Variants in ZBTB20 observed in about 807,000 individuals in gnomAD.
The protein encoded by ZBTB20 is zinc finger and BTB domain containing 20, also known as zinc finger and BTB domain-containing protein 20.
In ZBTB20, 9 loss-of-function variants were observed where a neutral mutation model predicts 56.9. The ratio of observed to expected loss-of-function variants is 0.16; its 90% CI spans 0.10 to 0.28. The LOEUF (loss-of-function observed/expected upper bound fraction) is 0.28, where lower values mean the gene tolerates loss of function less well. Among genes scored for constraint, ZBTB20 ranks in the 10% least tolerant of loss-of-function variants. The pLI, the probability that ZBTB20 is intolerant of heterozygous loss-of-function variation, is 1.00. For synonymous variants in ZBTB20, 417 were observed against 420.7 expected, an observed-to-expected ratio of 0.99 and a Z score of 0.11; for missense variants, 655 against 1,003.0, an observed-to-expected ratio of 0.65 and a Z score of 4.69.
At chr3:115,074,968 C>A (rs1338961570) in intron 1 of ZBTB20, among the ~76,000 whole-genome samples, 1 of 152,088 alleles carries the variant, frequency 6.6e-6, no homozygotes, top group African/African-American at 2.4e-5. Flanking sequence ...CCCAACTGTT[C>A]CCAGTCACAG....
chr3:114,623,100 AAAG>A (rs1176690377), intron 6 of ZBTB20, among the ~76,000 whole-genome samples: 3 of 152,154 alleles, frequency 2.0e-5, no homozygotes, highest in Non-Finnish European at 2.9e-5. Flanking sequence ...CTTGAAATAG[AAAG>A]AAGATGAGAA....
At chr3:114,793,840 C>G (rs1311825555) in intron 5 of ZBTB20, among the ~76,000 whole-genome samples, 1 of 151,902 alleles carries the variant, frequency 6.6e-6, no homozygotes, top group Non-Finnish European at 1.5e-5. Flanking sequence ...ATACTGTGAA[C>G]TAAAGATTAT....
At chr3:115,009,599 TCA>T (rs1417980302) in intron 2 of ZBTB20, among the ~76,000 whole-genome samples, 2 of 151,970 alleles carry the variant, frequency 1.3e-5, no homozygotes, top group Admixed American at 1.3e-4. Context: ...AATGTATCCC[TCA>T]AAGTTCATGT....
chr3:115,091,692 AACAC>A (rs994132095), intron 1 of ZBTB20, among the ~76,000 whole-genome samples: 1 of 149,838 alleles, frequency 6.7e-6, no homozygotes, highest in Admixed American at 6.7e-5. Context: ...ATATATATAT[AACAC>A]ACACATATAT....
intron 6 of ZBTB20, among the ~76,000 whole-genome samples, chr3:114,590,524 A>AAAAT (rs146320436): frequency 0.93 from 138,357 of 148,694 alleles, 65,116 homozygotes; most frequent in East Asian, 1. Flanking sequence ...AAATAAATAA[A>AAAAT]AAATAAACAA....
chr3:115,056,925 G>A (rs1344288888), intron 2 of ZBTB20, among the ~76,000 whole-genome samples: 1 of 152,056 alleles, frequency 6.6e-6, no homozygotes, highest in Non-Finnish European at 1.5e-5. Context: ...ACAATAACAG[G>A]TTTGTGTCTA....
At chr3:114,907,720 T>C (rs912177870) in intron 3 of ZBTB20, among the ~76,000 whole-genome samples, 5 of 151,958 alleles carry the variant, frequency 3.3e-5, no homozygotes, top group Admixed American at 6.6e-5. Context: ...TATACAACCA[T>C]TGGATATTTC....
chr3:114,360,368 G>A (rs1405747252), intron 10 of ZBTB20, among the ~76,000 whole-genome samples: 1 of 145,414 alleles, frequency 6.9e-6, no homozygotes, highest in African/African-American at 2.5e-5. Context: ...TTTTGAGACG[G>A]AGTCTTGTTC....
intron 7 of ZBTB20, among the ~76,000 whole-genome samples, chr3:114,399,634 G>A (rs963458422): frequency 1.3e-5 from 2 of 152,158 alleles, no homozygotes; most frequent in African/African-American, 4.8e-5. Flanking sequence ...ATTTACACAT[G>A]TGAGAGTGAA....
At chr3:114,767,968 A>G (rs1445926812) in intron 5 of ZBTB20, among the ~76,000 whole-genome samples, 1 of 152,104 alleles carries the variant, frequency 6.6e-6, no homozygotes, top group African/African-American at 2.4e-5. Context: ...TATAAAGTAT[A>G]CATTTAGATA....
At chr3:114,853,334 C>CTAAA (rs1284981946) in intron 4 of ZBTB20, among the ~76,000 whole-genome samples, 1 of 152,198 alleles carries the variant, frequency 6.6e-6, no homozygotes, top group Non-Finnish European at 1.5e-5. Context: ...GACATTGTCC[C>CTAAA]TGTTCTAAAT....
chr3:114,597,563 T>A (rs1350061940), intron 6 of ZBTB20, among the ~76,000 whole-genome samples: 2 of 152,146 alleles, frequency 1.3e-5, no homozygotes, highest in African/African-American at 4.8e-5. Flanking sequence ...AGTTGTACAA[T>A]CTCCACGTTT....
intron 4 of ZBTB20, among the ~76,000 whole-genome samples, chr3:114,864,808 T>C (rs1296183016): frequency 6.6e-6 from 1 of 152,088 alleles, no homozygotes; most frequent in African/African-American, 2.4e-5. Flanking sequence ...TATATGCAAT[T>C]GGCTTACAAT....
chr3:114,454,175 G>GGGGAGA (rs1192815934), intron 7 of ZBTB20, among the ~76,000 whole-genome samples: 9 of 116,692 alleles, frequency 7.7e-5, no homozygotes, highest in Middle Eastern at 4.7e-3. Context: ...AAAAGAGAAG[G>GGGGAGA]GAGAGAGAGA....
chr3:114,336,714 C>T lies in ZBTB20; in HGVS notation c.*2291G>A, dbSNP rs2079468782. 6.6e-6 allele frequency: 1 copy of T among 152,060 alleles called. No individual in the cohort carries two copies. Among genetic ancestry groups the T allele is most frequent in the Non-Finnish European group, 1.5e-5 (1 of 68,018 alleles). The allele number at this position is 152,060 out of a possible 1,614,324, so 9.4% of individuals were successfully genotyped here. On this transcript the variant is annotated 3_prime_UTR_variant, in exon 12 of 12. Transcript: ENST00000675478. ...TTGTTTGTGTTGGAAGATTTTCCCT[C>T]GTTTGCTGCACAGTTTTTGTAAATA...
intron 6 of ZBTB20, among the ~76,000 whole-genome samples, chr3:114,642,473 G>A (rs190452313): frequency 7.6e-4 from 115 of 151,998 alleles, no homozygotes; most frequent in Non-Finnish European, 1.2e-3. Context: ...TGTTGGAGTG[G>A]GGCTGTAGGT....
intron 4 of ZBTB20, among the ~76,000 whole-genome samples, chr3:114,867,299 A>C (rs2075805872): frequency 6.6e-6 from 1 of 152,090 alleles, no homozygotes; most frequent in South Asian, 2.1e-4. Context: ...ATCTTCCACT[A>C]CCCTAACTGG....
chr3:114,350,133 T>C, intron 11 of ZBTB20, 141 bp downstream of exon 11: 1 of 1,240,960 alleles, frequency 8.1e-7, no homozygotes, highest in Non-Finnish European at 1.1e-6. Flanking sequence ...ACAGTTGGGG[T>C]TTCTAGAAGA....
At chr3:114,723,413 C>A (rs948719154) in intron 5 of ZBTB20, among the ~76,000 whole-genome samples, 2 of 152,150 alleles carry the variant, frequency 1.3e-5, no homozygotes, top group African/African-American at 2.4e-5. Flanking sequence ...AAAGGTTCTA[C>A]TTTTATTTTA....
Sources: gnomAD v4.1 joint callset for allele counts (sites outside exome capture counted in the v4.1 genomes callset) on GRCh38, gnomAD v4.1.1 for gene constraint, MANE v1.5 for transcripts, NCBI Gene and HGNC (gene_info 2026-07-23, HGNC 2026-07-21) for gene names.